PXDN: variants seen among roughly 807,000 people sequenced by gnomAD.
PXDN encodes the protein peroxidasin.
A neutral mutation model predicts 140.3 loss-of-function variants in PXDN; 77 were observed. The observed-to-expected ratio is 0.55, with a 90% CI of 0.46 to 0.66. The LOEUF (loss-of-function observed/expected upper bound fraction) is 0.66. Ranked by LOEUF, PXDN falls within the 30% of genes least tolerant of loss-of-function variation. The pLI is 0.00. For missense variants in PXDN, 1,838 were observed against 2,039.5 expected (o/e 0.90, Z 1.90); for synonymous variants, 911 against 857.4 (o/e 1.06, Z -1.09).
chr2:1,692,209 C>T (rs565939888), intron 2 of PXDN, among the ~76,000 whole-genome samples: 1 of 152,328 alleles, frequency 6.6e-6, no homozygotes, highest in Admixed American at 6.5e-5. Flanking sequence ...CAATGGTGTC[C>T]GTACCACTCC....
intron 1 of PXDN, among the ~76,000 whole-genome samples, chr2:1,701,883 A>T (rs967076742): frequency 1.3e-5 from 2 of 152,202 alleles, no homozygotes; most frequent in African/African-American, 4.8e-5. Context: ...AGAGGACACG[A>T]GGAGAAGGTC....
chr2:1,687,837 G>T lies in PXDN; in HGVS notation c.345-134C>A, dbSNP rs944268366. 6.2e-6 allele frequency: 4 copies of T among 649,460 alleles called. No individual in the cohort carries two copies. The highest frequency in any genetic ancestry group is 5.4e-5 in the African/African-American group (3 of 55,822). The allele number at this position is 649,460 out of a possible 1,614,324, so 40.2% of individuals were successfully genotyped here. On this transcript the variant is annotated intron_variant, in intron 3 of 22. Transcript: ENST00000252804. The surrounding 1 kb of genome is among the most constrained non-coding windows in gnomAD (Gnocchi z 4.0). Reference sequence around the variant, plus strand: ...GTATTAGAATGCAAACAAACCATCTGCACGGTGAGTACAGTGCCTCTCCCA... The same window carrying T: ...GTATTAGAATGCAAACAAACCATCTTCACGGTGAGTACAGTGCCTCTCCCA...
chr2:1,677,593 C>T lies in PXDN; in HGVS notation c.731-549G>A, dbSNP rs553886675. Among the ~76,000 whole-genome samples the T allele has an allele frequency of 2.0e-5, 3 of 152,276 alleles. No individual in the cohort carries two copies. In the East Asian group the frequency reaches 5.8e-4, roughly 30 times the overall value. On this transcript the variant is annotated intron_variant, in intron 7 of 22. Transcript: ENST00000252804. ...CCTGCCTCCTGCGTGCCCGTGACTC[C>T]ACATGGCTTCCGAGGGCCATCCGAG...
rs776481726 is a variant in PXDN at position 1,649,693 on chromosome 2, G to A, written c.2105-18C>T. ...GTGGTAACCTGGGACGTGGAGAAAA[G>A]CAAGACGCACTCAATTCCCCTGGAG... On this transcript the variant is annotated intron_variant, in intron 16 of 22. Transcript: ENST00000252804. The surrounding 1 kb of genome is among the most constrained non-coding windows in gnomAD (Gnocchi z 7.1). 4 of 1,613,092 alleles carry A rather than the reference G, an allele frequency of 2.5e-6. No individual in the cohort carries two copies. In the Admixed American group the frequency reaches 6.7e-5, roughly 27 times the overall value.
intron 1 of PXDN, among the ~76,000 whole-genome samples, chr2:1,740,688 G>A (rs1471229916): frequency 6.6e-6 from 1 of 152,108 alleles, no homozygotes. Context: ...CCACTCCCAG[G>A]AAGCCCCCTG....
rs546234381 is a variant in PXDN at position 1,660,554 on chromosome 2, C to T, written c.1837+327G>A. Among the ~76,000 whole-genome samples the T allele has an allele frequency of 5.9e-5, 9 of 152,342 alleles. No homozygotes were observed. Among genetic ancestry groups the T allele is most frequent in the African/African-American group, 2.2e-4 (9 of 41,584 alleles). On this transcript the variant is annotated intron_variant, in intron 14 of 22. Transcript: ENST00000252804. The surrounding 1 kb of genome is among the most constrained non-coding windows in gnomAD (Gnocchi z 4.6). Reference sequence around the variant, plus strand: ...ATTGTAACTGTAAATTACACCTGGTCATTTCTGGACAGATGTGGATGACCC... The same window carrying T: ...ATTGTAACTGTAAATTACACCTGGTTATTTCTGGACAGATGTGGATGACCC...
In PXDN at chr2:1,687,290, C is replaced by T. The variant is rs1480923447; in HGVS notation, c.416+342G>A. Among the ~76,000 whole-genome samples the T allele has an allele frequency of 2.0e-5, 3 of 152,202 alleles. No individual in the cohort carries two copies. The highest frequency in any genetic ancestry group is 4.1e-4 in the South Asian group (2 of 4,828). Reference sequence around the variant, plus strand: ...TTTCCCCTGTGAAGGATGCCTTGATCGGACTTGGGCGCCTGCCTGTCTCTC... The same window carrying T: ...TTTCCCCTGTGAAGGATGCCTTGATTGGACTTGGGCGCCTGCCTGTCTCTC... On this transcript the variant is annotated intron_variant, in intron 4 of 22. Transcript: ENST00000252804. This position sits in a 1 kb window ranked among gnomAD's most constrained non-coding sequence, Gnocchi z 4.0.
At position 1,692,189 on chromosome 2, in the gene PXDN, C is replaced by T. The variant is rs75069576; in HGVS notation, c.273-190G>A. Among the ~76,000 whole-genome samples, 342 of 152,372 alleles carry T rather than the reference C, an allele frequency of 2.2e-3. 1 individual carries two copies. The highest frequency in any genetic ancestry group is 7.8e-3 in the African/African-American group (324 of 41,598). ...TCGCGTTTAACCATCATGAAGAAAA[C>T]GTTGCTGAGCAATGGTGTCCGTACC... On this transcript the variant is annotated intron_variant, in intron 2 of 22. Coordinates refer to ENST00000252804, the MANE Select transcript of PXDN (RefSeq NM_012293.3).
At chr2:1,679,143 GGTGTGTGCATGT>G (rs1683803120) in intron 7 of PXDN, among the ~76,000 whole-genome samples, 1 of 147,880 alleles carries the variant, frequency 6.8e-6, no homozygotes, top group African/African-American at 2.5e-5. Flanking sequence ...GTTTGTGGAT[GGTGTGTGCATGT>G]GTGTGTGGTG....
intron 6 of PXDN, 147 bp downstream of exon 6, chr2:1,683,509 G>T: frequency 5.2e-6 from 4 of 771,596 alleles, no homozygotes; most frequent in East Asian, 2.9e-5. Flanking sequence ...CTCTCTAATG[G>T]ATTCAATCCA....
Position 1,634,168 on chromosome 2 carries a change from G to A in PXDN, c.*36C>T. ...CCATCGGCCACCCGATCTCACGATG[G>A]CACAGCAGACAAACTCTGAGGAGCC... On this transcript the variant is annotated 3_prime_UTR_variant, in exon 23 of 23. Coordinates refer to ENST00000252804, the MANE Select transcript of PXDN (RefSeq NM_012293.3). The A allele has an allele frequency of 6.4e-7, 1 of 1,552,472 alleles. No homozygotes were observed. The highest frequency in any genetic ancestry group is 8.7e-7 in the Non-Finnish European group (1 of 1,147,194).
At chr2:1,681,322 T>C (rs1683897861) in intron 6 of PXDN, among the ~76,000 whole-genome samples, 1 of 152,010 alleles carries the variant, frequency 6.6e-6, no homozygotes, top group African/African-American at 2.4e-5. Flanking sequence ...TTTTTTTTCC[T>C]TTTTGCCCAA....
intron 3 of PXDN, among the ~76,000 whole-genome samples, chr2:1,690,614 C>A (rs1166393984): frequency 2.0e-5 from 3 of 148,150 alleles, no homozygotes; most frequent in African/African-American, 5.0e-5. Context: ...GAAACAAAAG[C>A]CCTCTTCTGG....
At chr2:1,664,431 C>T (rs143600362) in intron 11 of PXDN, 1,868 of 157,380 alleles carry the variant, frequency 0.012, 18 homozygotes, top group Non-Finnish European at 0.02. Flanking sequence ...TATGCAGTAA[C>T]ATGCCCAGCG....
At chr2:1,658,047 T>C (rs1484422939) in intron 14 of PXDN, among the ~76,000 whole-genome samples, 1 of 115,460 alleles carries the variant, frequency 8.7e-6, no homozygotes, top group African/African-American at 4.3e-5. Flanking sequence ...TCTCTCTCTC[T>C]CTCTCTCTCT....
chr2:1,670,729 A>G (rs1288844388), intron 9 of PXDN, among the ~76,000 whole-genome samples: 2 of 152,122 alleles, frequency 1.3e-5, no homozygotes, highest in East Asian at 3.9e-4. Context: ...CATGTGATAC[A>G]GAAGACAAGA....
intron 1 of PXDN, among the ~76,000 whole-genome samples, chr2:1,709,659 G>A (rs1030889905): frequency 6.6e-6 from 1 of 152,172 alleles, no homozygotes; most frequent in Non-Finnish European, 1.5e-5. Flanking sequence ...GGCTCCCATC[G>A]GTCCTCCCGC....
At position 1,639,249 on chromosome 2, in the gene PXDN, C is replaced by T. The variant is rs1682654409; in HGVS notation, c.4073+53G>A. On this transcript the variant is annotated intron_variant, in intron 20 of 22. Transcript: ENST00000252804. This position sits in a 1 kb window ranked among gnomAD's most constrained non-coding sequence, Gnocchi z 5.0. ...AGGATGCCGGTCCTACTGCCCGACG[C>T]CCGCGGTGCGAGGGCCCCTCTGCAC... 1 of 1,574,538 alleles carries T rather than the reference C, an allele frequency of 6.4e-7. No individual in the cohort carries two copies. The highest frequency in any genetic ancestry group is 8.6e-7 in the Non-Finnish European group (1 of 1,159,660).
intron 3 of PXDN, among the ~76,000 whole-genome samples, chr2:1,691,427 C>G (rs1024965132): frequency 1.6e-4 from 25 of 152,310 alleles, no homozygotes; most frequent in Admixed American, 1.4e-3. Flanking sequence ...TAAAATTTAA[C>G]TGCACAAAAG....
Sources: allele counts gnomAD v4.1 joint callset (sites outside exome capture counted in the v4.1 genomes callset), GRCh38; gene constraint gnomAD v4.1.1; non-coding constraint Gnocchi (gnomAD v3.1); transcripts MANE v1.5; gene names NCBI Gene and HGNC (gene_info 2026-07-23, HGNC 2026-07-21).